The following USP12 variants were observed in gnomAD, a reference collection of about 807,000 sequenced individuals.
The protein encoded by USP12 is ubiquitin carboxyl-terminal hydrolase 12.
USP12 carries 19 observed loss-of-function variants against 45.5 expected under a neutral mutation model. That is an observed-to-expected ratio of 0.42 (90% CI 0.29 to 0.61). The LOEUF is 0.61. USP12 is among the 20% of genes least tolerant of loss of function. The probability of loss-of-function intolerance (pLI) is 0.22; values close to 1 mark genes in which losing one functional copy is unlikely to be tolerated. For missense variants in USP12, 242 were observed against 447.7 expected, an observed-to-expected ratio of 0.54 and a Z score of 4.15; for synonymous variants, 149 against 148.8, an observed-to-expected ratio of 1.00 and a Z score of -0.01.
intron 6 of USP12, 90 bp from the exon 7 acceptor site, chr13:27,075,478 T>G (rs1055251780): frequency 6.8e-6 from 8 of 1,183,818 alleles, no homozygotes; most frequent in Non-Finnish European, 9.5e-6. Flanking sequence ...AATGAACAGA[T>G]AGACAATGGT....
At chr13:27,144,797 T>C (rs1877238341) in intron 1 of USP12, among the ~76,000 whole-genome samples, 5 of 151,214 alleles carry the variant, frequency 3.3e-5, no homozygotes. Flanking sequence ...CAGTGGTTCC[T>C]GCCTGTAATC....
At chr13:27,111,081 T>C (rs376799085) in intron 2 of USP12, among the ~76,000 whole-genome samples, 2 of 152,318 alleles carry the variant, frequency 1.3e-5, no homozygotes, top group East Asian at 3.9e-4. Flanking sequence ...GCTCATCTTC[T>C]GAATATAAAG....
Position 27,116,597 on chromosome 13 carries a change from C to A in USP12, c.49-1G>T. 6.2e-7 allele frequency: 1 copy of A among 1,609,540 alleles called. No individual in the cohort carries two copies. The highest frequency in any genetic ancestry group is 1.1e-5 in the South Asian group (1 of 90,414). On this transcript the variant is annotated splice_acceptor_variant, in intron 1 of 8. Transcript: ENST00000282344. LOFTEE classifies it high-confidence loss of function. ...TCTCTAATGCCGAAGCATTGGCGCC[C>A]TATAAAATGAAAAACAAAAATCTTA...
intron 6 of USP12, among the ~76,000 whole-genome samples, chr13:27,087,198 A>T (rs1232951567): frequency 6.6e-6 from 1 of 151,436 alleles, no homozygotes; most frequent in African/African-American, 2.4e-5. Flanking sequence ...AGAGAGAATA[A>T]GCTGGGTTAA....
intron 1 of USP12, among the ~76,000 whole-genome samples, chr13:27,138,260 C>T (rs1046603927): frequency 4.6e-5 from 7 of 152,198 alleles, no homozygotes; most frequent in African/African-American, 1.4e-4. Flanking sequence ...AAACATACTC[C>T]GAAAGGCTCA....
intron 1 of USP12, among the ~76,000 whole-genome samples, chr13:27,163,537 T>C (rs1878208594): frequency 6.6e-6 from 1 of 152,090 alleles, no homozygotes; most frequent in African/African-American, 2.4e-5. Context: ...AAACATCTCA[T>C]TGCATGCATT....
At chr13:27,088,176 T>C (rs1289151004) in intron 6 of USP12, among the ~76,000 whole-genome samples, 4 of 152,136 alleles carry the variant, frequency 2.6e-5, no homozygotes, top group Non-Finnish European at 5.9e-5. Context: ...ATCCCAGCTC[T>C]CTGGGAGGCC....
At chr13:27,151,202 G>A (rs888235248) in intron 1 of USP12, among the ~76,000 whole-genome samples, 14 of 151,860 alleles carry the variant, frequency 9.2e-5, no homozygotes, top group African/African-American at 1.9e-4. Context: ...ATGGTAGCGC[G>A]CAATTGTAAT....
In USP12 at chr13:27,105,872, G is replaced by C. The variant is rs1223229827; in HGVS notation, c.202C>G (p.Leu68Val). 2 of 1,613,714 alleles carry C rather than the reference G, an allele frequency of 1.2e-6. No individual in the cohort carries two copies. The highest frequency in any genetic ancestry group is 2.2e-5 in the South Asian group (2 of 91,056). Residue 68 changes from leucine to valine, a missense_variant, in exon 3 of 9, where the codon CTT (leucine) becomes GTT (valine). By Grantham distance (32) the Leu-to-Val change is conservative (BLOSUM62 1). Around this residue, in one of 5 missense-constraint regions of USP12, gnomAD observed 77 missense variants for 153.7 expected, o/e 0.50. Coordinates refer to ENST00000282344, the MANE Select transcript of USP12 (RefSeq NM_182488.4). ...YFCRPFREKV[L>V]AYKSQPRKKE... The stretch of plus-strand genomic sequence containing the variant: ...TTCCTAGGTTGACTCTTATACGCAA[G>C]AACTTTTTCCCGAAATGGACGACAA...
At chr13:27,077,580 A>G (rs1873548653) in intron 6 of USP12, 2 of 152,192 alleles carry the variant, frequency 1.3e-5, no homozygotes, top group African/African-American at 4.8e-5. Context: ...GCTGGCTACC[A>G]CAAAGAAACC....
chr13:27,163,695 C>A (rs1261509917), intron 1 of USP12, among the ~76,000 whole-genome samples: 2 of 149,154 alleles, frequency 1.3e-5, no homozygotes, highest in Non-Finnish European at 3.0e-5. Flanking sequence ...GTCATCCCAG[C>A]ACCTTGGGAG....
chr13:27,095,917 G>C, intron 3 of USP12, 87 bp from the exon 4 acceptor site: 1 of 945,416 alleles, frequency 1.1e-6, no homozygotes, highest in Non-Finnish European at 1.5e-6. Context: ...TCTAGTATTG[G>C]ATCAGAACTA....
At position 27,105,959 on chromosome 13, in the gene USP12, A is replaced by T; in HGVS notation, c.130-15T>A. 1.3e-6 allele frequency: 2 copies of T among 1,591,676 alleles called. No individual in the cohort carries two copies. Among genetic ancestry groups the T allele is most frequent in the South Asian group, 1.2e-5 (1 of 86,706 alleles). ...GTATTCCCAAACTGCAACAGAAAAA[A>T]AAAAGTTTTGTTAAATTTAGGGCAA... On this transcript the variant is annotated splice_polypyrimidine_tract_variant and intron_variant, in intron 2 of 8. Coordinates refer to ENST00000282344, the MANE Select transcript of USP12 (RefSeq NM_182488.4).
chr13:27,104,070 G>C (rs1436093146), intron 3 of USP12, among the ~76,000 whole-genome samples: 3 of 152,026 alleles, frequency 2.0e-5, no homozygotes, highest in Non-Finnish European at 2.9e-5. Context: ...GTCTTGCTCT[G>C]TTACCCAAGC....
chr13:27,069,895 C>T (rs1340246188), intron 8 of USP12, among the ~76,000 whole-genome samples: 2 of 152,136 alleles, frequency 1.3e-5, no homozygotes, highest in Non-Finnish European at 2.9e-5. Context: ...GGTGGTGAGC[C>T]GAGATCGCAC....
chr13:27,156,255 C>T (rs935423242), intron 1 of USP12, among the ~76,000 whole-genome samples: 4 of 150,242 alleles, frequency 2.7e-5, no homozygotes, highest in African/African-American at 1.0e-4. Context: ...CTGGTTCAGG[C>T]CTCTTAATCT....
chr13:27,165,462 G>T (rs1641699022), intron 1 of USP12, among the ~76,000 whole-genome samples: 1 of 152,118 alleles, frequency 6.6e-6, no homozygotes, highest in Admixed American at 6.6e-5. Flanking sequence ...TAGTGCCAAT[G>T]AATACTTTTT....
chr13:27,148,441 C>T (rs1008805142), intron 1 of USP12, among the ~76,000 whole-genome samples: 16 of 151,502 alleles, frequency 1.1e-4, no homozygotes, highest in African/African-American at 3.4e-4. Flanking sequence ...TTTGGGAGGC[C>T]GAGGCGGGCA....
chr13:27,108,919 C>T (rs546565001), intron 2 of USP12, among the ~76,000 whole-genome samples: 8 of 152,108 alleles, frequency 5.3e-5, no homozygotes, highest in Non-Finnish European at 1.2e-4. Flanking sequence ...CGGGCTTGGG[C>T]GACAGAATGA....
Sources: gnomAD v4.1 joint callset for allele counts (sites outside exome capture counted in the v4.1 genomes callset) on GRCh38, gnomAD v4.1.1 for gene constraint, gnomAD v4.1.1 regional missense constraint, MANE v1.5 for transcripts, NCBI Gene and HGNC (gene_info 2026-07-23, HGNC 2026-07-21) for gene names.